Variants in CSMD1 observed in about 807,000 individuals in gnomAD.
The protein encoded by CSMD1 is CUB and sushi domain-containing protein 1.
Under a neutral mutation model 417.5 loss-of-function variants are expected in CSMD1, and 213 were observed. The ratio of observed to expected loss-of-function variants is 0.51; its 90% CI spans 0.46 to 0.57. CSMD1 has a LOEUF of 0.57. Ranked by LOEUF, CSMD1 falls within the 20% of genes least tolerant of loss-of-function variation. The pLI, the probability that CSMD1 is intolerant of heterozygous loss-of-function variation, is 0.00. For missense variants in CSMD1, 6,923 were observed against 4,529.7 expected, an observed-to-expected ratio of 1.53 and a Z score of -15.17; for synonymous variants, 2,862 against 1,736.8, an observed-to-expected ratio of 1.65 and a Z score of -16.11.
intron 12 of CSMD1, among the ~76,000 whole-genome samples, chr8:3,451,682 T>C (rs971738497): frequency 3.9e-5 from 6 of 152,200 alleles, no homozygotes; most frequent in African/African-American, 7.2e-5. Context: ...TATATCTCTG[T>C]TTTGGAACCA....
intron 5 of CSMD1, among the ~76,000 whole-genome samples, chr8:3,989,645 T>C (rs932512539): frequency 1.3e-5 from 2 of 152,222 alleles, no homozygotes; most frequent in African/African-American, 4.8e-5. Flanking sequence ...ATTAAAGTCT[T>C]TATGATGTAT....
intron 17 of CSMD1, among the ~76,000 whole-genome samples, chr8:3,392,340 A>G (rs942003355): frequency 3.3e-5 from 5 of 152,122 alleles, no homozygotes; most frequent in African/African-American, 9.7e-5. Context: ...CCCACTTTCA[A>G]AGAATGTGTT....
At chr8:4,006,809 C>T (rs1378991810) in intron 4 of CSMD1, among the ~76,000 whole-genome samples, 2 of 149,244 alleles carry the variant, frequency 1.3e-5, no homozygotes, top group African/African-American at 5.0e-5. Context: ...CTGAGAGAAT[C>T]CAGGACTTTT....
chr8:3,988,518 T>C (rs1276437951), intron 5 of CSMD1, among the ~76,000 whole-genome samples: 1 of 152,166 alleles, frequency 6.6e-6, no homozygotes, highest in Non-Finnish European at 1.5e-5. Context: ...TGAACGATTG[T>C]CAGAAACAGA....
chr8:3,469,334 T>C (rs1227892463), intron 11 of CSMD1: 1 of 152,312 alleles, frequency 6.6e-6, no homozygotes, highest in Non-Finnish European at 1.5e-5. Flanking sequence ...CAAACTCTCC[T>C]TTTAAAATAT....
chr8:3,573,766 G>C (rs1037751243), intron 10 of CSMD1, among the ~76,000 whole-genome samples: 3 of 151,968 alleles, frequency 2.0e-5, no homozygotes, highest in East Asian at 3.9e-4. Context: ...AGAACTGTTA[G>C]TAATAACTCA....
intron 1 of CSMD1, among the ~76,000 whole-genome samples, chr8:4,938,655 G>C (rs79504563): frequency 0.017 from 2,622 of 152,234 alleles, 116 homozygotes; most frequent in East Asian, 0.15. Flanking sequence ...ATCAGTGCTT[G>C]AACTCCAGGA....
At chr8:3,851,743 G>C (rs1418331346) in intron 5 of CSMD1, among the ~76,000 whole-genome samples, 2 of 152,188 alleles carry the variant, frequency 1.3e-5, no homozygotes, top group Admixed American at 1.3e-4. Context: ...AGAACAAGAA[G>C]GTGAGGAATG....
chr8:4,700,518 G>A (rs932240693), intron 1 of CSMD1, among the ~76,000 whole-genome samples: 2 of 152,076 alleles, frequency 1.3e-5, no homozygotes, highest in Admixed American at 6.6e-5. Context: ...CAATGAAAAG[G>A]TGTCTAATAG....
intron 2 of CSMD1, among the ~76,000 whole-genome samples, chr8:4,475,910 G>T (rs1012213462): frequency 6.6e-6 from 1 of 152,044 alleles, no homozygotes; most frequent in South Asian, 2.1e-4. Flanking sequence ...ACCTCACCTG[G>T]CTCTTTTATT....
chr8:4,529,871 T>G (rs1350291876), intron 2 of CSMD1, among the ~76,000 whole-genome samples: 1 of 124,534 alleles, frequency 8.0e-6, no homozygotes, highest in African/African-American at 3.4e-5. Flanking sequence ...GCTGCTGCCA[T>G]TGTTTTTTTT....
At position 3,546,298 on chromosome 8, in the gene CSMD1, G is replaced by A. The variant is rs186270416; in HGVS notation, c.1344+28647C>T. Among the ~76,000 whole-genome samples the A allele has an allele frequency of 3.3e-5, 5 of 152,130 alleles. No homozygotes were observed. In the East Asian group the frequency reaches 9.7e-4, roughly 29 times the overall value. The stretch of plus-strand genomic sequence containing the variant: ...AAAAAAAAATCCCAGTACTTTGGGA[G>A]GCCAAGGTGGGGGGATCATGAGGTC... On this transcript the variant is annotated intron_variant, in intron 10 of 69. Transcript: ENST00000635120.
intron 3 of CSMD1, among the ~76,000 whole-genome samples, chr8:4,252,940 C>A (rs73660707): frequency 0.093 from 14,177 of 152,120 alleles, 930 homozygotes; most frequent in East Asian, 0.33. Flanking sequence ...GCAGAACACA[C>A]CAACTTTTAG....
chr8:3,170,283 C>T (rs1820496057), intron 37 of CSMD1, among the ~76,000 whole-genome samples: 1 of 152,220 alleles, frequency 6.6e-6, no homozygotes, highest in African/African-American at 2.4e-5. Context: ...TCTTGGCTCA[C>T]TGCAAGCTCC....
intron 3 of CSMD1, among the ~76,000 whole-genome samples, chr8:4,337,378 C>T (rs909951310): frequency 6.6e-6 from 1 of 152,084 alleles, no homozygotes; most frequent in Non-Finnish European, 1.5e-5. Context: ...CATTTCTGCC[C>T]TTCTTCAGTA....
chr8:4,440,508 T>G (rs1798405242), intron 2 of CSMD1, among the ~76,000 whole-genome samples: 1 of 152,172 alleles, frequency 6.6e-6, no homozygotes, highest in South Asian at 2.1e-4. Flanking sequence ...CTCTATAATT[T>G]CTATGGATAT....
At chr8:4,312,244 T>C (rs1223013237) in intron 3 of CSMD1, among the ~76,000 whole-genome samples, 2 of 151,692 alleles carry the variant, frequency 1.3e-5, no homozygotes, top group Non-Finnish European at 2.9e-5. Context: ...ACTGATCATA[T>C]TGCAATCCTA....
chr8:4,501,949 G>A (rs1420867428), intron 2 of CSMD1, among the ~76,000 whole-genome samples: 2 of 152,114 alleles, frequency 1.3e-5, no homozygotes, highest in African/African-American at 4.8e-5. Context: ...ATAAGGGAGA[G>A]AACTGTATTT....
intron 6 of CSMD1, among the ~76,000 whole-genome samples, chr8:3,730,329 T>C (rs1340466668): frequency 1.3e-5 from 2 of 151,562 alleles, no homozygotes; most frequent in African/African-American, 4.8e-5. Flanking sequence ...ATGAACACAC[T>C]GATGCATTCT....
Sources: gnomAD v4.1 joint callset for allele counts (sites outside exome capture counted in the v4.1 genomes callset) on GRCh38, gnomAD v4.1.1 for gene constraint, MANE v1.5 for transcripts, NCBI Gene and HGNC (gene_info 2026-07-23, HGNC 2026-07-21) for gene names.